Variants in MEF2A observed in about 807,000 individuals in gnomAD.
MEF2A encodes myocyte enhancer factor 2A.
MEF2A carries 28 observed loss-of-function variants against 55.8 expected under a neutral mutation model. The ratio of observed to expected loss-of-function variants is 0.50; its 90% CI spans 0.37 to 0.69. The LOEUF is 0.69. Ranked by LOEUF, MEF2A falls within the 30% of genes least tolerant of loss-of-function variation. The pLI is 0.00. For synonymous variants in MEF2A, 239 were observed against 227.1 expected, an observed-to-expected ratio of 1.05 and a Z score of -0.47; for missense variants, 528 against 626.2, an observed-to-expected ratio of 0.84 and a Z score of 1.67.
At chr15:99,583,187 C>T (rs1303766131) in intron 1 of MEF2A, among the ~76,000 whole-genome samples, 4 of 151,948 alleles carry the variant, frequency 2.6e-5, no homozygotes, top group Admixed American at 6.6e-5. Flanking sequence ...AACCCTATTT[C>T]GATATAGATT....
chr15:99,638,938 A>G (rs1281435629), intron 3 of MEF2A, among the ~76,000 whole-genome samples: 1 of 152,112 alleles, frequency 6.6e-6, no homozygotes, highest in African/African-American at 2.4e-5. Context: ...TTAAAGAGGT[A>G]TTTGTTGTAT....
intron 4 of MEF2A, among the ~76,000 whole-genome samples, chr15:99,658,400 G>A (rs1476586781): frequency 2.0e-5 from 3 of 152,080 alleles, no homozygotes; most frequent in Non-Finnish European, 4.4e-5. Context: ...ATATTAAAAG[G>A]CAGAAAATAT....
At chr15:99,677,455 T>TA (rs1036917066) in intron 7 of MEF2A, among the ~76,000 whole-genome samples, 1 of 152,002 alleles carries the variant, frequency 6.6e-6, no homozygotes, top group Admixed American at 6.6e-5. Context: ...CAGATGGGCT[T>TA]AAAAACAGAT....
intron 4 of MEF2A, among the ~76,000 whole-genome samples, chr15:99,655,931 T>TG (rs1170900046): frequency 6.6e-6 from 1 of 152,102 alleles, no homozygotes; most frequent in East Asian, 1.9e-4. Flanking sequence ...GCGTCCAAAT[T>TG]GAGCAAGAAA....
At chr15:99,711,940 G>A (rs1157583720) in intron 11 of MEF2A, among the ~76,000 whole-genome samples, 4 of 152,242 alleles carry the variant, frequency 2.6e-5, no homozygotes, top group Non-Finnish European at 5.9e-5. Flanking sequence ...TCCTCATCTG[G>A]AAAATGGGGA....
intron 1 of MEF2A, among the ~76,000 whole-genome samples, chr15:99,575,324 T>A (rs1197819410): frequency 6.6e-6 from 1 of 152,252 alleles, no homozygotes; most frequent in Non-Finnish European, 1.5e-5. Context: ...TTGTATTGTT[T>A]AATCTGAAAC....
intron 2 of MEF2A, among the ~76,000 whole-genome samples, chr15:99,630,113 C>T (rs2042717383): frequency 6.6e-6 from 1 of 151,144 alleles, no homozygotes; most frequent in Non-Finnish European, 1.5e-5. Flanking sequence ...GATAGAGCTT[C>T]TTGAATCTGT....
Position 99,630,450 on chromosome 15 carries a change from T to C in MEF2A, c.-142-2528T>C, listed in dbSNP as rs2042774244. 2.6e-5 allele frequency among the ~76,000 whole-genome samples: 4 copies of C among 152,004 alleles called. No individual in the cohort carries two copies. The South Asian group carries it at 8.3e-4, about 32-fold the overall frequency. On this transcript the variant is annotated intron_variant, in intron 2 of 11. Coordinates refer to ENST00000557942, the MANE Select transcript of MEF2A (RefSeq NM_001319206.4). ...TCCACTTTTTGTTTATGAAAATTCT[T>C]CATTTTACTTTTTAATTCCTTGAAC...
intron 7 of MEF2A, among the ~76,000 whole-genome samples, chr15:99,687,084 CTTTTTTT>C (rs71149484): frequency 3.0e-4 from 20 of 67,758 alleles, no homozygotes; most frequent in African/African-American, 5.9e-4. Flanking sequence ...ATTAATTTTT[CTTTTTTT>C]TTTTTTTTTT....
chr15:99,586,283 T>C (rs1263847767), intron 1 of MEF2A, among the ~76,000 whole-genome samples: 1 of 152,204 alleles, frequency 6.6e-6, no homozygotes, highest in Non-Finnish European at 1.5e-5. Context: ...TGTATGATTT[T>C]ACAGTCCCAT....
chr15:99,574,056 A>T (rs1020620264), intron 1 of MEF2A, among the ~76,000 whole-genome samples: 60 of 151,394 alleles, frequency 4.0e-4, no homozygotes, highest in Admixed American at 1.2e-3. Flanking sequence ...TTTTTTTTTT[A>T]AATTTATTTC....
chr15:99,646,838 C>T (rs1316157109), intron 4 of MEF2A, among the ~76,000 whole-genome samples: 2 of 152,054 alleles, frequency 1.3e-5, no homozygotes, highest in Non-Finnish European at 2.9e-5. Flanking sequence ...CACATAAAAA[C>T]TATTACTTGT....
chr15:99,568,855 A>T (rs557981995), intron 1 of MEF2A, among the ~76,000 whole-genome samples: 1 of 152,192 alleles, frequency 6.6e-6, no homozygotes, highest in Non-Finnish European at 1.5e-5. Context: ...GAATGTTTCA[A>T]AGTCTAGCTG....
chr15:99,700,951 A>C (rs1466849881), intron 8 of MEF2A, among the ~76,000 whole-genome samples: 2 of 152,192 alleles, frequency 1.3e-5, no homozygotes, highest in African/African-American at 4.8e-5. Flanking sequence ...TTAGAAAATA[A>C]CTAATTAATA....
At chr15:99,601,254 AAATT>A (rs780657336) in intron 2 of MEF2A, among the ~76,000 whole-genome samples, 16 of 152,304 alleles carry the variant, frequency 1.1e-4, no homozygotes, top group Admixed American at 2.0e-4. Context: ...TAATATTGCT[AAATT>A]AATTATTAGT....
At chr15:99,625,894 G>C (rs545894078) in intron 2 of MEF2A, among the ~76,000 whole-genome samples, 1 of 152,056 alleles carries the variant, frequency 6.6e-6, no homozygotes, top group East Asian at 1.9e-4. Flanking sequence ...GAGGGTTTTC[G>C]TGTCTATTCA....
At chr15:99,625,399 C>G (rs1207902666) in intron 2 of MEF2A, among the ~76,000 whole-genome samples, 2 of 152,052 alleles carry the variant, frequency 1.3e-5, no homozygotes, top group Non-Finnish European at 1.5e-5. Context: ...TTCTAGGGGA[C>G]AAAAGACATC....
At chr15:99,628,868 C>A (rs574632967) in intron 2 of MEF2A, among the ~76,000 whole-genome samples, 1 of 151,728 alleles carries the variant, frequency 6.6e-6, no homozygotes, top group African/African-American at 2.4e-5. Flanking sequence ...GTTCTTTTTT[C>A]TTTATACTTG....
intron 10 of MEF2A, among the ~76,000 whole-genome samples, chr15:99,709,059 CTT>C (rs1389046058): frequency 6.6e-6 from 1 of 152,182 alleles, no homozygotes; most frequent in African/African-American, 2.4e-5. Flanking sequence ...AAAAAGATGT[CTT>C]TGCTGTATAT....
Sources: allele counts gnomAD v4.1 joint callset (sites outside exome capture counted in the v4.1 genomes callset), GRCh38; gene constraint gnomAD v4.1.1; transcripts MANE v1.5; gene names NCBI Gene and HGNC (gene_info 2026-07-23, HGNC 2026-07-21).